The following RHOH variants were observed in gnomAD, a reference collection of about 807,000 sequenced individuals.
The protein encoded by RHOH is rho-related GTP-binding protein RhoH.
In RHOH, 6 loss-of-function variants were observed where a neutral mutation model predicts 13.8. The ratio of observed to expected loss-of-function variants is 0.44; its 90% CI spans 0.24 to 0.86. RHOH has a LOEUF of 0.86. Ranked by LOEUF, RHOH falls within the 40% of genes least tolerant of loss-of-function variation. The probability of loss-of-function intolerance (pLI) is 0.24; values close to 1 mark genes in which losing one functional copy is unlikely to be tolerated. For synonymous variants in RHOH, 117 were observed against 103.0 expected (o/e 1.14, Z -0.82); for missense variants, 147 against 244.5 (o/e 0.60, Z 2.66).
chr4:40,205,871 T>C (rs1724579147), intron 1 of RHOH: 1 of 152,202 alleles, frequency 6.6e-6, no homozygotes, highest in Admixed American at 6.5e-5. Flanking sequence ...AGCATAAAAA[T>C]TGGAAATCTG....
In RHOH at chr4:40,243,434, G is replaced by A. The variant is rs575059532; in HGVS notation, c.48G>A (p.Gly16=). Residue 16 remains glycine (G), a synonymous_variant, in exon 3 of 3, where the codon GGG becomes GGA. Transcript: ENST00000381799. The surrounding 1 kb of genome is among the most constrained non-coding windows in gnomAD (Gnocchi z 6.2). ...KCVLVGDSAV[G]KTSLLVRFTS... is the part of the protein sequence containing the mutation. ...TGTTGGTGGGCGACTCTGCTGTGGGGAAAACCTCTCTGTTGGTGCGCTTCA... is the reference window on the plus strand; with the variant it reads ...TGTTGGTGGGCGACTCTGCTGTGGGAAAAACCTCTCTGTTGGTGCGCTTCA... The A allele has an allele frequency of 1.2e-6, 2 of 1,611,674 alleles. No homozygotes were observed.
intron 1 of RHOH, among the ~76,000 whole-genome samples, chr4:40,222,252 A>G (rs1726674251): frequency 6.6e-6 from 1 of 152,216 alleles, no homozygotes; most frequent in African/African-American, 2.4e-5. Context: ...AGGTGGCTAC[A>G]GTGTACAATA....
intron 1 of RHOH, among the ~76,000 whole-genome samples, chr4:40,229,956 T>C (rs1727705121): frequency 6.6e-6 from 1 of 152,172 alleles, no homozygotes; most frequent in East Asian, 1.9e-4. Context: ...AATACAGTTA[T>C]CACCTAACAA....
At chr4:40,229,402 G>A (rs1727624748) in intron 1 of RHOH, among the ~76,000 whole-genome samples, 1 of 152,092 alleles carries the variant, frequency 6.6e-6, no homozygotes. Context: ...TTGGAAGGCT[G>A]AGGAGGGTGG....
intron 1 of RHOH, among the ~76,000 whole-genome samples, chr4:40,231,704 C>G (rs540111530): frequency 1.3e-4 from 20 of 152,334 alleles, no homozygotes; most frequent in Middle Eastern, 3.4e-3. Flanking sequence ...TCTTTCTTGT[C>G]TCACAGCATC....
chr4:40,207,459 G>A (rs905922054), intron 1 of RHOH, among the ~76,000 whole-genome samples: 10 of 152,036 alleles, frequency 6.6e-5, no homozygotes, highest in African/African-American at 2.4e-4. Context: ...ACATTCTAGA[G>A]CTATGAAAAC....
chr4:40,203,836 G>A (rs140599024), intron 1 of RHOH, among the ~76,000 whole-genome samples: 5 of 152,260 alleles, frequency 3.3e-5, no homozygotes, highest in Non-Finnish European at 4.4e-5. Context: ...AGAGAAAGAT[G>A]GTCATGGGGA....
chr4:40,194,650 A>G (rs1464517458), upstream of RHOH, among the ~76,000 whole-genome samples: 4 of 152,210 alleles, frequency 2.6e-5, no homozygotes, highest in African/African-American at 9.6e-5. Context: ...TGTGGGGATT[A>G]TAGGCGTGAG....
chr4:40,199,976 C>T (rs777767908), intron 1 of RHOH, among the ~76,000 whole-genome samples: 27 of 152,130 alleles, frequency 1.8e-4, no homozygotes, highest in Non-Finnish European at 2.6e-4. Flanking sequence ...GTGAGTCACA[C>T]GGTGATAGTG....
intron 1 of RHOH, among the ~76,000 whole-genome samples, chr4:40,207,096 A>T (rs1474547396): frequency 7.9e-5 from 12 of 151,672 alleles, no homozygotes; most frequent in Admixed American, 7.9e-4. Context: ...AATCCCAGCT[A>T]CTCGGGAGGC....
chr4:40,235,906 C>T (rs1410675219), intron 1 of RHOH, among the ~76,000 whole-genome samples: 1 of 151,432 alleles, frequency 6.6e-6, no homozygotes, highest in Non-Finnish European at 1.5e-5. Context: ...TGTTTGAACC[C>T]GGGAGGTCCA....
At chr4:40,239,607 AGT>A (rs1729005791) in intron 1 of RHOH, among the ~76,000 whole-genome samples, 1 of 152,246 alleles carries the variant, frequency 6.6e-6, no homozygotes. Flanking sequence ...GGCCAGGCAC[AGT>A]GGCTCACGCC....
chr4:40,191,702 GC>G (rs1722717177), upstream of RHOH, among the ~76,000 whole-genome samples: 1 of 152,272 alleles, frequency 6.6e-6, no homozygotes, highest in Admixed American at 6.5e-5. Context: ...GTGAATGTTT[GC>G]TAGATCAATA....
At chr4:40,210,525 T>C (rs548589497) in intron 1 of RHOH, among the ~76,000 whole-genome samples, 4 of 152,244 alleles carry the variant, frequency 2.6e-5, no homozygotes, top group South Asian at 2.1e-4. Flanking sequence ...CTCCCAGATA[T>C]CAGCTTCCGT....
chr4:40,233,513 G>C (rs1728194903), intron 1 of RHOH, among the ~76,000 whole-genome samples: 1 of 152,202 alleles, frequency 6.6e-6, no homozygotes, highest in South Asian at 2.1e-4. Flanking sequence ...AAGCCTGCCT[G>C]ACCCCAGGTC....
upstream of RHOH, among the ~76,000 whole-genome samples, chr4:40,196,269 T>C (rs2109336063): frequency 6.6e-6 from 1 of 152,290 alleles, no homozygotes; most frequent in African/African-American, 2.4e-5. Context: ...AACAGTTAGT[T>C]ATTCAGGGAT....
chr4:40,224,604 G>A (rs1396816520), intron 1 of RHOH, among the ~76,000 whole-genome samples: 4 of 152,232 alleles, frequency 2.6e-5, no homozygotes, highest in African/African-American at 9.6e-5. Flanking sequence ...TGCGCTGGCA[G>A]TGAAAAAGTC....
At position 40,244,402 on chromosome 4, in the gene RHOH, C is replaced by T. The variant is rs1371385955; in HGVS notation, c.*440C>T. ...CTCCTCTGTGAGTGAAATGCTTGTACGAAGCTCTGCCATATGTTTGTAGTG... is the reference window on the plus strand; with the variant it reads ...CTCCTCTGTGAGTGAAATGCTTGTATGAAGCTCTGCCATATGTTTGTAGTG... On this transcript the variant is annotated 3_prime_UTR_variant, in exon 3 of 3. Coordinates refer to ENST00000381799, the MANE Select transcript of RHOH (RefSeq NM_004310.5). 2.7e-5 allele frequency: 6 copies of T among 225,802 alleles called. No homozygotes were observed. Among genetic ancestry groups the T allele is most frequent in the African/African-American group, 2.3e-5 (1 of 44,154 alleles). 14.0% of individuals were successfully genotyped at this position (225,802 alleles called of 1,614,324 possible).
chr4:40,245,021 C>T lies in RHOH; in HGVS notation c.*1059C>T, dbSNP rs1729675128. ...AAGGGAAAAAAGGTAGAATTTACAG[C>T]CTTCAAAAAAGAAAAATCAAATTCC... On this transcript the variant is annotated 3_prime_UTR_variant, in exon 3 of 3. Coordinates refer to ENST00000381799, the MANE Select transcript of RHOH (RefSeq NM_004310.5). 6.6e-6 allele frequency: 1 copy of T among 152,370 alleles called. No homozygotes were observed. The highest frequency in any genetic ancestry group is 2.1e-4 in the South Asian group (1 of 4,822). 9.4% of individuals were successfully genotyped at this position (152,370 alleles called of 1,614,324 possible).
Sources: allele counts gnomAD v4.1 joint callset (sites outside exome capture counted in the v4.1 genomes callset), GRCh38; gene constraint gnomAD v4.1.1; non-coding constraint Gnocchi (gnomAD v3.1); transcripts MANE v1.5; gene names NCBI Gene and HGNC (gene_info 2026-07-23, HGNC 2026-07-21).